The following RALGAPA1 variants were observed in gnomAD, a reference collection of about 807,000 sequenced individuals.
RALGAPA1 encodes Ral GTPase activating protein catalytic subunit alpha 1, also known as ral GTPase-activating protein subunit alpha-1.
RALGAPA1 carries 52 observed loss-of-function variants against 269.6 expected under a neutral mutation model. That is an observed-to-expected ratio of 0.19 (90% confidence interval 0.15 to 0.24). The LOEUF (loss-of-function observed/expected upper bound fraction) is 0.24, where lower values mean the gene tolerates loss of function less well. Among genes scored for constraint, RALGAPA1 ranks in the 10% least tolerant of loss-of-function variants. RALGAPA1 has a pLI of 1.00. For missense variants in RALGAPA1, 1,917 were observed against 3,013.9 expected (o/e 0.64, Z 8.52); for synonymous variants, 817 against 1,008.3 (o/e 0.81, Z 3.60).
At chr14:35,783,713 A>G (rs2075610143) in intron 1 of RALGAPA1, among the ~76,000 whole-genome samples, 1 of 152,214 alleles carries the variant, frequency 6.6e-6, no homozygotes, top group Non-Finnish European at 1.5e-5. Context: ...AAGAATTCTT[A>G]TAATTCAATT....
chr14:35,634,206 T>C (rs887849629), intron 33 of RALGAPA1, among the ~76,000 whole-genome samples: 5 of 152,160 alleles, frequency 3.3e-5, no homozygotes, highest in Admixed American at 1.3e-4. Context: ...AGTGTTGGCA[T>C]GATGCTCAAA....
At chr14:35,566,442 T>C (rs564827410) in intron 39 of RALGAPA1, among the ~76,000 whole-genome samples, 14 of 152,282 alleles carry the variant, frequency 9.2e-5, no homozygotes, top group Admixed American at 4.6e-4. Flanking sequence ...GTGAGTACTT[T>C]TATTGGGCAT....
rs1049822156 is a variant in RALGAPA1 at position 35,808,675 on chromosome 14, G to A, written c.106+55C>T. 1.5e-4 allele frequency: 233 copies of A among 1,557,896 alleles called. No homozygotes were observed. The Middle Eastern group carries it at 1.5e-3, about 10-fold the overall frequency. ...GAGAGAGAGTCCGCAGGGGCTCCCA[G>A]GAGAGGGAAGGCCGGGCAACCCAGG... On this transcript the variant is annotated intron_variant, in intron 1 of 41. Transcript: ENST00000680220.
intron 37 of RALGAPA1, among the ~76,000 whole-genome samples, chr14:35,594,976 T>C (rs1365548964): frequency 6.6e-6 from 1 of 151,992 alleles, no homozygotes; most frequent in African/African-American, 2.4e-5. Flanking sequence ...AAAAGGAGAT[T>C]CTGCCACTTG....
chr14:35,767,009 G>A (rs2074214845), intron 4 of RALGAPA1: 1 of 362,290 alleles, frequency 2.8e-6, no homozygotes, highest in Admixed American at 4.3e-5. Flanking sequence ...CAGATGGCTT[G>A]AAAAACAAGT....
At chr14:35,731,172 A>C (rs954910966) in intron 12 of RALGAPA1, among the ~76,000 whole-genome samples, 10 of 152,338 alleles carry the variant, frequency 6.6e-5, no homozygotes, top group Admixed American at 6.5e-4. Flanking sequence ...AGCCACATCC[A>C]TAGGAAAAGG....
chr14:35,764,314 T>C (rs563110464), intron 4 of RALGAPA1, among the ~76,000 whole-genome samples: 1 of 152,106 alleles, frequency 6.6e-6, no homozygotes, highest in Non-Finnish European at 1.5e-5. Flanking sequence ...CTGGAACTCC[T>C]GGCCTCAAGG....
chr14:35,561,506 GTTTTTTTT>G (rs750062810), intron 39 of RALGAPA1, among the ~76,000 whole-genome samples: 9 of 72,900 alleles, frequency 1.2e-4, no homozygotes, highest in African/African-American at 3.9e-4. Flanking sequence ...TAATATAGGA[GTTTTTTTT>G]TTTTTTTTTT....
At chr14:35,656,120 T>G (rs144539109) in intron 28 of RALGAPA1, among the ~76,000 whole-genome samples, 36 of 152,286 alleles carry the variant, frequency 2.4e-4, no homozygotes, top group African/African-American at 7.7e-4. Context: ...TCTATTATAA[T>G]TTACTAAGAA....
chr14:35,624,122 A>C (rs1331925293), intron 35 of RALGAPA1, among the ~76,000 whole-genome samples: 3 of 142,808 alleles, frequency 2.1e-5, no homozygotes, highest in African/African-American at 7.7e-5. Context: ...GAGTATCTAA[A>C]TGACTGAGGA....
chr14:35,770,826 T>C, intron 4 of RALGAPA1, 116 bp downstream of exon 4: 1 of 395,024 alleles, frequency 2.5e-6, no homozygotes, highest in East Asian at 3.9e-5. Flanking sequence ...GTATTCTTTA[T>C]TTTCTTTTTA....
Position 35,721,825 on chromosome 14 carries a change from A to G in RALGAPA1, c.2129T>C (p.Val710Ala), listed in dbSNP as rs75856669. 1.5e-3 allele frequency: 2,354 copies of G among 1,613,470 alleles called. 56 individuals are homozygous for G. The East Asian group carries it at 0.047, about 32-fold the overall frequency. Residue 710 changes from valine to alanine, a missense_variant, in exon 16 of 42, where the codon GTT becomes GCT. By Grantham distance (64) the Val-to-Ala change is moderately conservative. This residue lies in a region of RALGAPA1 where 40 missense variants were observed against 112.6 expected (regional missense o/e 0.36). Coordinates refer to ENST00000680220, the MANE Select transcript of RALGAPA1 (RefSeq NM_001346249.2). ...GKGVGHEFQKVSVDKSFSRGW... is the reference protein window; with the variant it reads ...GKGVGHEFQKASVDKSFSRGW... ...TCTAGAAAATGACTTGTCAACTGAAACTTTCTGAAATTCATGTCCAACTCC... is the reference window on the plus strand; with the variant it reads ...TCTAGAAAATGACTTGTCAACTGAAGCTTTCTGAAATTCATGTCCAACTCC...
chr14:35,760,753 G>T, intron 6 of RALGAPA1, 76 bp downstream of exon 6: 2 of 1,066,172 alleles, frequency 1.9e-6, no homozygotes, highest in Non-Finnish European at 2.7e-6. Context: ...TGAATGCACA[G>T]ACATTTGAAA....
At chr14:35,631,554 T>C (rs1430070527) in intron 33 of RALGAPA1, among the ~76,000 whole-genome samples, 1 of 152,194 alleles carries the variant, frequency 6.6e-6, no homozygotes, top group Non-Finnish European at 1.5e-5. Context: ...CTTAAATAGA[T>C]GACTCATTCT....
chr14:35,589,687 GTATGTATT>G (rs1321554188), intron 37 of RALGAPA1, among the ~76,000 whole-genome samples: 115 of 152,042 alleles, frequency 7.6e-4, no homozygotes, highest in African/African-American at 2.6e-3. Flanking sequence ...TTAAATTTAT[GTATGTATT>G]TATTTATTTA....
In RALGAPA1 at chr14:35,683,931, C is replaced by A. The variant is rs550016504; in HGVS notation, c.4349G>T (p.Gly1450Val). ...GVTSSADVDSGSGHHQSAEEQ... is the reference protein window; with the variant it reads ...GVTSSADVDSVSGHHQSAEEQ... ...TTCAGCACTCTGATGATGGCCAGAA[C>A]CTGAATCCACATCAGCAGAGGACGT... The change falls in exon 21 of 42, where the codon GGT (glycine) becomes GTT (valine). Residue 1450 changes from glycine to valine, a missense_variant. Coordinates refer to ENST00000680220, the MANE Select transcript of RALGAPA1 (RefSeq NM_001346249.2). The A allele has an allele frequency of 1.2e-6, 2 of 1,613,624 alleles. No homozygotes were observed. Among genetic ancestry groups the A allele is most frequent in the African/African-American group, 2.7e-5 (2 of 75,014 alleles).
chr14:35,796,489 T>G (rs1388113935), intron 1 of RALGAPA1, among the ~76,000 whole-genome samples: 1 of 152,118 alleles, frequency 6.6e-6, no homozygotes, highest in Non-Finnish European at 1.5e-5. Flanking sequence ...CCAAAATTTT[T>G]CCAAGTTTGA....
chr14:35,631,318 T>G (rs1311517255), intron 33 of RALGAPA1, among the ~76,000 whole-genome samples: 1 of 152,190 alleles, frequency 6.6e-6, no homozygotes, highest in Non-Finnish European at 1.5e-5. Context: ...TCTTTTTCTT[T>G]ATGAGATATG....
At position 35,742,405 on chromosome 14, in the gene RALGAPA1, T is replaced by C. The variant is rs1488333801; in HGVS notation, c.1412A>G (p.His471Arg). The C allele has an allele frequency of 1.2e-6, 2 of 1,603,544 alleles. No homozygotes were observed. The highest frequency in any genetic ancestry group is 1.7e-6 in the Non-Finnish European group (2 of 1,173,248). ...DLPCIENVTD[H>R]DISMEEGEKR... Reference sequence around the variant, plus strand: ...TTCTCCTTCTTCCATTGAAATATCATGGTCTGTGACATTTTCAATGCAAGG... The same window carrying C: ...TTCTCCTTCTTCCATTGAAATATCACGGTCTGTGACATTTTCAATGCAAGG... Residue 471 changes from histidine to arginine, a missense_variant, in exon 11 of 42, where the codon CAT (histidine) becomes CGT (arginine). Physicochemically the swap from His to Arg is conservative, Grantham distance 29. Around this residue, in one of 11 missense-constraint regions of RALGAPA1, gnomAD observed 462 missense variants for 725.6 expected, o/e 0.64. Coordinates refer to ENST00000680220, the MANE Select transcript of RALGAPA1 (RefSeq NM_001346249.2).
Sources: gnomAD v4.1 joint callset for allele counts (sites outside exome capture counted in the v4.1 genomes callset) on GRCh38, gnomAD v4.1.1 for gene constraint, gnomAD v4.1.1 regional missense constraint, MANE v1.5 for transcripts, NCBI Gene and HGNC (gene_info 2026-07-23, HGNC 2026-07-21) for gene names.